Variants in MSRA observed in about 807,000 individuals in gnomAD.
The protein encoded by MSRA is mitochondrial peptide methionine sulfoxide reductase.
Under a neutral mutation model 31.3 loss-of-function variants are expected in MSRA, and 54 were observed. That is an observed-to-expected ratio of 1.73 (90% confidence interval 1.39 to 2.17). The LOEUF (loss-of-function observed/expected upper bound fraction) is 2.17. Ranked by LOEUF, MSRA falls within the 30% of genes most tolerant of loss-of-function variation. The pLI, the probability that MSRA is intolerant of heterozygous loss-of-function variation, is 0.00. For missense variants in MSRA, 507 were observed against 300.9 expected (o/e 1.69, Z -5.07); for synonymous variants, 169 against 116.5 (o/e 1.45, Z -2.90).
Position 10,192,139 on chromosome 8 carries a change from C to T in MSRA, c.143-15694C>T, listed in dbSNP as rs561370103. Among the ~76,000 whole-genome samples, 31 of 152,272 alleles carry T rather than the reference C, an allele frequency of 2.0e-4. No individual in the cohort carries two copies. In the South Asian group the frequency reaches 6.2e-3, roughly 31 times the overall value. ...GCCATCTAAGGAGAACAAGAGAGCA[C>T]CCAAGATGGAAGTCATAGTCTATCA... On this transcript the variant is annotated intron_variant, in intron 1 of 5. Transcript: ENST00000317173.
intron 5 of MSRA, among the ~76,000 whole-genome samples, chr8:10,367,272 AAGAG>A (rs1408307930): frequency 4.6e-5 from 7 of 152,180 alleles, no homozygotes; most frequent in Non-Finnish European, 2.9e-5. Context: ...TTGAGACAGA[AAGAG>A]AGACCACAGT....
chr8:10,294,430 A>C (rs1198059439), intron 3 of MSRA, among the ~76,000 whole-genome samples: 1 of 152,160 alleles, frequency 6.6e-6, no homozygotes, highest in South Asian at 2.1e-4. Context: ...CAGTCCCCTG[A>C]GGTGGGTGCT....
chr8:10,243,972 C>T (rs1003943458), intron 2 of MSRA, among the ~76,000 whole-genome samples: 1 of 151,960 alleles, frequency 6.6e-6, no homozygotes, highest in African/African-American at 2.4e-5. Flanking sequence ...TAATATATAA[C>T]TTTATTCAAA....
At chr8:10,072,220 T>G (rs1797770711) in intron 1 of MSRA, among the ~76,000 whole-genome samples, 1 of 151,886 alleles carries the variant, frequency 6.6e-6, no homozygotes, top group South Asian at 2.1e-4. Context: ...CATCTGTTGG[T>G]GAGATGTGTT....
chr8:10,055,145 C>G (rs571740233), intron 1 of MSRA, among the ~76,000 whole-genome samples: 5 of 132,972 alleles, frequency 3.8e-5, no homozygotes, highest in African/African-American at 5.8e-5. Context: ...AAGTGTGGAA[C>G]TGCGTCTCAG....
At chr8:10,154,521 G>A (rs1226376730) in intron 1 of MSRA, among the ~76,000 whole-genome samples, 1 of 152,014 alleles carries the variant, frequency 6.6e-6, no homozygotes, top group Non-Finnish European at 1.5e-5. Flanking sequence ...GGTACTACAG[G>A]CACCCGCCAC....
chr8:10,114,827 A>T (rs775792974), intron 1 of MSRA, among the ~76,000 whole-genome samples: 1 of 152,220 alleles, frequency 6.6e-6, no homozygotes, highest in Non-Finnish European at 1.5e-5. Flanking sequence ...CTCATATGTA[A>T]ATGTAATATA....
chr8:10,272,319 T>C (rs1379492627), intron 3 of MSRA, among the ~76,000 whole-genome samples: 1 of 152,176 alleles, frequency 6.6e-6, no homozygotes, highest in Non-Finnish European at 1.5e-5. Flanking sequence ...AGATCTAAGC[T>C]GGAGAACAAG....
At chr8:10,222,253 G>T (rs1181297682) in intron 2 of MSRA, among the ~76,000 whole-genome samples, 1 of 152,070 alleles carries the variant, frequency 6.6e-6, no homozygotes, top group African/African-American at 2.4e-5. Context: ...GGCCTTTATA[G>T]ACCTTCTCAA....
At chr8:10,219,124 A>G (rs548971683) in intron 2 of MSRA, among the ~76,000 whole-genome samples, 1 of 152,254 alleles carries the variant, frequency 6.6e-6, no homozygotes, top group South Asian at 2.1e-4. Flanking sequence ...CAATGCCTTC[A>G]AACTGTTGAA....
chr8:10,204,323 C>G (rs1184271367), intron 1 of MSRA, among the ~76,000 whole-genome samples: 6 of 152,204 alleles, frequency 3.9e-5, no homozygotes, highest in African/African-American at 1.4e-4. Flanking sequence ...CAGTAATGGC[C>G]TAGGCCTTCA....
At chr8:10,283,015 A>G (rs566203979) in intron 3 of MSRA, among the ~76,000 whole-genome samples, 61 of 152,244 alleles carry the variant, frequency 4.0e-4, no homozygotes, top group African/African-American at 1.1e-3. Context: ...TAAAGAGATG[A>G]AAATTCCATT....
At chr8:10,212,103 C>G (rs777074956) in intron 2 of MSRA, among the ~76,000 whole-genome samples, 1 of 152,012 alleles carries the variant, frequency 6.6e-6, no homozygotes, top group African/African-American at 2.4e-5. Context: ...AGGAGAATTA[C>G]TTGAACCCAG....
At chr8:10,142,114 A>G (rs1802769428) in intron 1 of MSRA, among the ~76,000 whole-genome samples, 1 of 152,190 alleles carries the variant, frequency 6.6e-6, no homozygotes, top group African/African-American at 2.4e-5. Flanking sequence ...CTTTGCCACC[A>G]CGGCCAGCTA....
chr8:10,214,324 A>G (rs1452160003), intron 2 of MSRA, among the ~76,000 whole-genome samples: 1 of 151,978 alleles, frequency 6.6e-6, no homozygotes, highest in Non-Finnish European at 1.5e-5. Context: ...CTCCAAGGAG[A>G]GTGAGATCAA....
At chr8:10,184,656 G>C (rs932501743) in intron 1 of MSRA, among the ~76,000 whole-genome samples, 3 of 152,104 alleles carry the variant, frequency 2.0e-5, no homozygotes, top group Non-Finnish European at 4.4e-5. Flanking sequence ...AGCTTGCCTC[G>C]TCCATCTCCC....
intron 1 of MSRA, among the ~76,000 whole-genome samples, chr8:10,167,832 T>A (rs1303553583): frequency 6.6e-6 from 1 of 152,094 alleles, no homozygotes; most frequent in Admixed American, 6.5e-5. Flanking sequence ...TTAATAATTA[T>A]AGAAACCCAT....
intron 5 of MSRA, among the ~76,000 whole-genome samples, chr8:10,400,268 G>A (rs554284466): frequency 6.6e-6 from 1 of 151,894 alleles, no homozygotes; most frequent in Non-Finnish European, 1.5e-5. Flanking sequence ...GAGGGCCTGG[G>A]TTACAGTGGA....
intron 3 of MSRA, among the ~76,000 whole-genome samples, chr8:10,257,043 T>C (rs1218178536): frequency 2.0e-5 from 3 of 152,254 alleles, no homozygotes; most frequent in Admixed American, 2.0e-4. Context: ...ATTTTAGTTA[T>C]ATCAGGCAGG....
Sources: allele counts gnomAD v4.1 joint callset (sites outside exome capture counted in the v4.1 genomes callset), GRCh38; gene constraint gnomAD v4.1.1; transcripts MANE v1.5; gene names NCBI Gene and HGNC (gene_info 2026-07-23, HGNC 2026-07-21).